CCDC88C: variants seen among roughly 807,000 people sequenced by gnomAD.
CCDC88C encodes the protein protein Daple.
Under a neutral mutation model 198.8 loss-of-function variants are expected in CCDC88C, and 131 were observed. The observed-to-expected ratio is 0.66, with a 90% CI of 0.57 to 0.76. The LOEUF (loss-of-function observed/expected upper bound fraction) is 0.76. Among genes scored for constraint, CCDC88C ranks in the 30% least tolerant of loss-of-function variants. CCDC88C has a pLI of 0.00. For synonymous variants in CCDC88C, 1,166 were observed against 1,114.7 expected (o/e 1.05, Z -0.92); for missense variants, 2,553 against 2,631.6 (o/e 0.97, Z 0.65).
intron 24 of CCDC88C, 58 bp downstream of exon 24, chr14:91,290,937 C>T: frequency 9.4e-7 from 1 of 1,064,280 alleles, no homozygotes; most frequent in Non-Finnish European, 1.4e-6. Context: ...TCACCCTGTG[C>T]ACAGAAAAGG....
chr14:91,343,619 C>T lies in CCDC88C; in HGVS notation c.379G>A (p.Val127Met). The T allele has an allele frequency of 6.2e-7, 1 of 1,613,818 alleles. No individual in the cohort carries two copies. The highest frequency in any genetic ancestry group is 8.5e-7 in the Non-Finnish European group (1 of 1,179,860). Residue 127 changes from valine to methionine, a missense_variant, in exon 5 of 30, where the codon GTG becomes ATG. Physicochemically the swap from Val to Met is conservative, Grantham distance 21 (BLOSUM62 1). Transcript: ENST00000389857. ...CCTACCTGGACAGCACAGCCCAGCACCAGCAGCAGCACCTTCTTGATTTCC... is the reference window on the plus strand; with the variant it reads ...CCTACCTGGACAGCACAGCCCAGCATCAGCAGCAGCACCTTCTTGATTTCC... ...MEEIKKVLLL[V>M]LGCAVQCERK...
In CCDC88C at chr14:91,299,958, C is replaced by T. The variant is rs753170514; in HGVS notation, c.3748G>A (p.Glu1250Lys). The T allele has an allele frequency of 6.3e-6, 10 of 1,591,514 alleles. No homozygotes were observed. Among genetic ancestry groups the T allele is most frequent in the African/African-American group, 4.0e-5 (3 of 74,698 alleles). The change falls in exon 21 of 30, where the codon GAG becomes AAG. Residue 1250 changes from glutamate to lysine, a missense_variant. By Grantham distance (56) the Glu-to-Lys change is moderately conservative (BLOSUM62 1). Transcript: ENST00000389857. Reference sequence around the variant, plus strand: ...AGCTCGCCCCGCAGCCTCTGGTTCTCGCCCATGGCGAGGGCGTTTGTCCTC... The same window carrying T: ...AGCTCGCCCCGCAGCCTCTGGTTCTTGCCCATGGCGAGGGCGTTTGTCCTC... ...EQRTNALAMG[E>K]NQRLRGELDR...
In CCDC88C at chr14:91,291,044, C is replaced by A; in HGVS notation, c.4153G>T (p.Glu1385Ter). The change falls in exon 24 of 30, where the codon GAA (glutamate) becomes TAA (stop). Residue 1385 changes from glutamate (E) to a stop codon, truncating the protein, a stop_gained. Coordinates refer to ENST00000389857, the MANE Select transcript of CCDC88C (RefSeq NM_001080414.4). LOFTEE classifies it high-confidence loss of function. ...TTGTATTGATCCATGATTTTTTCTT[C>A]CAGCTTTTCCTTATGTCTTCGTAAG... ...NALRRHKEKLEEKIMDQYKFY... is the reference protein window; with the variant it reads ...NALRRHKEKL The A allele has an allele frequency of 6.3e-7, 1 of 1,589,398 alleles. No individual in the cohort carries two copies. The highest frequency in any genetic ancestry group is 2.2e-5 in the East Asian group (1 of 44,550).
chr14:91,407,545 G>A (rs58843809), intron 3 of CCDC88C, among the ~76,000 whole-genome samples: 2,381 of 152,262 alleles, frequency 0.016, 50 homozygotes, highest in African/African-American at 0.046. Flanking sequence ...CTGGAGTCCC[G>A]GGAACCCAGA....
chr14:91,276,271 G>A (rs1384390904), intron 29 of CCDC88C, among the ~76,000 whole-genome samples: 1 of 152,238 alleles, frequency 6.6e-6, no homozygotes, highest in African/African-American at 2.4e-5. Context: ...GCCCCCAGAC[G>A]ATTCAAACGC....
Position 91,381,662 on chromosome 14 carries a change from G to A in CCDC88C, c.271-21951C>T, listed in dbSNP as rs59453292. On this transcript the variant is annotated intron_variant, in intron 3 of 29. Coordinates refer to ENST00000389857, the MANE Select transcript of CCDC88C (RefSeq NM_001080414.4). This position sits in a 1 kb window ranked among gnomAD's most constrained non-coding sequence, Gnocchi z 4.2. ...ACCCTGGCCAACTTGGTGAAACCCC[G>A]TCTCTACTAAAAATACAAACAATTA... Among the ~76,000 whole-genome samples the A allele has an allele frequency of 0.021, 3,182 of 152,168 alleles. 96 individuals are homozygous for A. Among genetic ancestry groups the A allele is most frequent in the African/African-American group, 0.064 (2,673 of 41,494 alleles).
In CCDC88C at chr14:91,288,547, A is replaced by G. The variant is rs1890518431; in HGVS notation, c.4441+558T>C. Among the ~76,000 whole-genome samples the G allele has an allele frequency of 6.6e-6, 1 of 152,210 alleles. No individual in the cohort carries two copies. Among genetic ancestry groups the G allele is most frequent in the Non-Finnish European group, 1.5e-5 (1 of 68,032 alleles). ...GCTTGTCTCTATGGTACCTGCACGAATGTCAGCTTTGGATATTGAGATATC... is the reference window on the plus strand; with the variant it reads ...GCTTGTCTCTATGGTACCTGCACGAGTGTCAGCTTTGGATATTGAGATATC... On this transcript the variant is annotated intron_variant, in intron 25 of 29. Coordinates refer to ENST00000389857, the MANE Select transcript of CCDC88C (RefSeq NM_001080414.4). This position sits in a 1 kb window ranked among gnomAD's most constrained non-coding sequence, Gnocchi z 4.2.
At chr14:91,364,409 A>C (rs1596115728) in intron 3 of CCDC88C, among the ~76,000 whole-genome samples, 1 of 152,336 alleles carries the variant, frequency 6.6e-6, no homozygotes, top group East Asian at 1.9e-4. Context: ...TAAATGCTTT[A>C]AACAAACCAA....
intron 3 of CCDC88C, among the ~76,000 whole-genome samples, chr14:91,388,922 G>A (rs1885313607): frequency 6.6e-6 from 1 of 152,212 alleles, no homozygotes; most frequent in African/African-American, 2.4e-5. Context: ...AATGTGCTGA[G>A]GTGGCAGGAT....
At position 91,417,373 on chromosome 14, in the gene CCDC88C, G is replaced by A. The variant is rs1236844047; in HGVS notation, c.60+258C>T. 8 of 589,556 alleles carry A rather than the reference G, an allele frequency of 1.4e-5. No homozygotes were observed. In the Admixed American group the frequency reaches 1.9e-4, roughly 14 times the overall value. The allele number at this position is 589,556 out of a possible 1,614,324, so 36.5% of individuals were successfully genotyped here. Reference sequence around the variant, plus strand: ...CAGCCTAGAGCCCCAGCGGGAACAGGTGTACCCGCCCGGCTCCTGGCCCGG... The same window carrying A: ...CAGCCTAGAGCCCCAGCGGGAACAGATGTACCCGCCCGGCTCCTGGCCCGG... On this transcript the variant is annotated intron_variant, in intron 1 of 29. Transcript: ENST00000389857.
intron 4 of CCDC88C, among the ~76,000 whole-genome samples, chr14:91,354,972 AC>A (rs1724449417): frequency 6.6e-6 from 1 of 152,224 alleles, no homozygotes; most frequent in South Asian, 2.1e-4. Flanking sequence ...GTGGGGCCAC[AC>A]TGAACAGGGG....
chr14:91,351,841 C>A (rs1454975780), intron 4 of CCDC88C, among the ~76,000 whole-genome samples: 1 of 152,140 alleles, frequency 6.6e-6, no homozygotes, highest in Non-Finnish European at 1.5e-5. Context: ...CAGACGACAG[C>A]TACCCCCAGG....
At chr14:91,344,979 A>T (rs1362490062) in intron 4 of CCDC88C, among the ~76,000 whole-genome samples, 1 of 151,048 alleles carries the variant, frequency 6.6e-6, no homozygotes, top group Admixed American at 6.6e-5. Context: ...TATTTTTTGT[A>T]GACAGGGTCT....
intron 3 of CCDC88C, among the ~76,000 whole-genome samples, chr14:91,365,283 T>A (rs990035723): frequency 5.3e-5 from 8 of 152,014 alleles, no homozygotes; most frequent in African/African-American, 1.9e-4. Flanking sequence ...CAGGCAGGTG[T>A]CTGGAGCCCA....
intron 12 of CCDC88C, among the ~76,000 whole-genome samples, chr14:91,322,380 C>T (rs1892392490): frequency 6.6e-6 from 1 of 152,176 alleles, no homozygotes; most frequent in Admixed American, 6.5e-5. Context: ...CCCAACAGGC[C>T]AGAACGCCCT....
chr14:91,300,869 T>G (rs1891246016), intron 20 of CCDC88C, among the ~76,000 whole-genome samples: 1 of 152,194 alleles, frequency 6.6e-6, no homozygotes, highest in East Asian at 1.9e-4. Flanking sequence ...CCTAGCAGAC[T>G]GGAAGTGTTG....
Position 91,294,207 on chromosome 14 carries a change from T to C in CCDC88C, c.4078A>G (p.Lys1360Glu). ...TTCTGCTCCTCATGGTACTGCTCCT[T>C]GTTCTCCATGTTCTGCTCCAGAAGC... Reference protein sequence around the residue: ...QMLLEQNMENKEQYHEEQKQY... With the variant: ...QMLLEQNMENEEQYHEEQKQY... Residue 1360 changes from lysine to glutamate, a missense_variant, in exon 23 of 30, where the codon AAG (lysine) becomes GAG (glutamate). Around this residue, in one of 2 missense-constraint regions of CCDC88C, gnomAD observed 1,293 missense variants for 1,219.6 expected, o/e 1.06. Transcript: ENST00000389857. 6.2e-7 allele frequency: 1 copy of C among 1,613,988 alleles called. No homozygotes were observed. Among genetic ancestry groups the C allele is most frequent in the Non-Finnish European group, 8.5e-7 (1 of 1,179,866 alleles).
intron 13 of CCDC88C, among the ~76,000 whole-genome samples, chr14:91,317,796 A>G (rs886375488): frequency 6.6e-6 from 1 of 152,014 alleles, no homozygotes; most frequent in Admixed American, 6.5e-5. Flanking sequence ...CGGGCCAGGG[A>G]GGAAGTGGGT....
intron 27 of CCDC88C, among the ~76,000 whole-genome samples, chr14:91,280,948 G>C (rs117449267): frequency 6.6e-6 from 1 of 152,060 alleles, no homozygotes; most frequent in African/African-American, 2.4e-5. Flanking sequence ...ACCCTTGTAG[G>C]GTTGCTTTTC....
Sources: gnomAD v4.1 joint callset for allele counts (sites outside exome capture counted in the v4.1 genomes callset) on GRCh38, gnomAD v4.1.1 for gene constraint, gnomAD v4.1.1 regional missense constraint, Gnocchi (gnomAD v3.1) non-coding constraint, MANE v1.5 for transcripts, NCBI Gene and HGNC (gene_info 2026-07-23, HGNC 2026-07-21) for gene names.